Variants in ASB15 observed in about 807,000 individuals in gnomAD.
ASB15 encodes the protein ankyrin repeat and SOCS box containing 15, also known as ankyrin repeat and SOCS box protein 15.
In ASB15, 54 loss-of-function variants were observed where a neutral mutation model predicts 58.0. The ratio of observed to expected loss-of-function variants is 0.93; its 90% CI spans 0.75 to 1.17. The LOEUF (loss-of-function observed/expected upper bound fraction) is 1.17. Among genes scored for constraint, ASB15 ranks in the 50% most tolerant of loss-of-function variants. The pLI is 0.00. For synonymous variants in ASB15, 249 were observed against 262.4 expected, an observed-to-expected ratio of 0.95 and a Z score of 0.50; for missense variants, 680 against 707.4, an observed-to-expected ratio of 0.96 and a Z score of 0.44.
Position 123,629,132 on chromosome 7 carries a change from C to A in ASB15, c.1138C>A (p.Pro380Thr). Residue 380 changes from proline (P) to threonine (T), a missense_variant, in exon 10 of 12, where the codon CCC (proline) becomes ACC (threonine). Physicochemically the swap from Pro to Thr is conservative, Grantham distance 38 (BLOSUM62 -1). Coordinates refer to ENST00000451215, the MANE Select transcript of ASB15 (RefSeq NM_001290258.2). ...TGCAGGTGCAGACCCAAACTTAGAT[C>A]CCCTCAACTGTCTACTTGTTGCAGT... ...LAAGADPNLD[P>T]LNCLLVAVRA... is the part of the protein sequence containing the mutation. 6.2e-7 allele frequency: 1 copy of A among 1,614,114 alleles called. No individual in the cohort carries two copies. Among genetic ancestry groups the A allele is most frequent in the Admixed American group, 1.7e-5 (1 of 60,022 alleles).
At chr7:123,586,033 G>A (rs1235177076) in intron 1 of ASB15, among the ~76,000 whole-genome samples, 2 of 151,748 alleles carry the variant, frequency 1.3e-5, no homozygotes, top group Non-Finnish European at 2.9e-5. Context: ...ATGCTGCAAT[G>A]AATATGGAAG....
chr7:123,570,766 A>G (rs777113342), intron 1 of ASB15, among the ~76,000 whole-genome samples: 3 of 152,138 alleles, frequency 2.0e-5, no homozygotes, highest in African/African-American at 4.8e-5. Context: ...GTAGGTTTAT[A>G]TATCTTTGCT....
chr7:123,616,875 T>C (rs1440016483), intron 6 of ASB15, among the ~76,000 whole-genome samples: 2 of 152,206 alleles, frequency 1.3e-5, no homozygotes, highest in African/African-American at 4.8e-5. Context: ...TTCCAAAAGA[T>C]TCTTATATAG....
chr7:123,576,030 T>G (rs193297016), intron 1 of ASB15, among the ~76,000 whole-genome samples: 22 of 151,462 alleles, frequency 1.5e-4, no homozygotes, highest in Non-Finnish European at 3.1e-4. Context: ...ACTATAAATT[T>G]GTTGGATTTT....
chr7:123,585,333 C>A (rs1010623201), intron 1 of ASB15, among the ~76,000 whole-genome samples: 1 of 151,648 alleles, frequency 6.6e-6, no homozygotes, highest in East Asian at 1.9e-4. Context: ...GCAGAAGAGA[C>A]AACTTCCTCC....
chr7:123,568,866 A>C (rs1798830550), intron 1 of ASB15, among the ~76,000 whole-genome samples: 1 of 152,212 alleles, frequency 6.6e-6, no homozygotes, highest in Non-Finnish European at 1.5e-5. Flanking sequence ...TAAAAAGTTG[A>C]AAAATTATGA....
At chr7:123,625,073 A>G (rs1464037623) in intron 8 of ASB15, 3 of 418,878 alleles carry the variant, frequency 7.2e-6, no homozygotes, top group Non-Finnish European at 1.3e-5. Flanking sequence ...CAATCTGCAC[A>G]TAGATGGCCC....
rs1240140845 is a variant in ASB15, at chr7:123,637,263, A to C, written c.*282A>C. The C allele has an allele frequency of 5.0e-6, 1 of 199,392 alleles. No individual in the cohort carries two copies. The highest frequency in any genetic ancestry group is 1.0e-5 in the Non-Finnish European group (1 of 98,788). 12.4% of individuals were successfully genotyped at this position (199,392 alleles called of 1,614,324 possible). ...CTACAATATCCACAATCAAGTCTCT[A>C]TGTTTAAAAAACAGATAACCACTTT... On this transcript the variant is annotated 3_prime_UTR_variant, in exon 12 of 12. Coordinates refer to ENST00000451215, the MANE Select transcript of ASB15 (RefSeq NM_001290258.2).
At chr7:123,611,832 A>G (rs1800482061) in intron 3 of ASB15, among the ~76,000 whole-genome samples, 1 of 152,036 alleles carries the variant, frequency 6.6e-6, no homozygotes, top group African/African-American at 2.4e-5. Flanking sequence ...CTTCATCTCA[A>G]GCTTTCAGGA....
At position 123,633,184 on chromosome 7, in the gene ASB15, C is replaced by G. The variant is rs532548319; in HGVS notation, c.1594+3065C>G. On this transcript the variant is annotated intron_variant, in intron 11 of 11. Coordinates refer to ENST00000451215, the MANE Select transcript of ASB15 (RefSeq NM_001290258.2). The stretch of plus-strand genomic sequence containing the variant: ...AGTATTAAACAAGGCTAACACTAAA[C>G]AGAATGCCAAGACTAAGTGAGAGTT... Among the ~76,000 whole-genome samples the G allele has an allele frequency of 1.2e-3, 180 of 152,234 alleles. 1 individual carries two copies. Among genetic ancestry groups the G allele is most frequent in the Non-Finnish European group, 2.3e-3 (154 of 68,008 alleles).
chr7:123,576,910 T>C (rs887630879), intron 1 of ASB15, among the ~76,000 whole-genome samples: 3 of 152,190 alleles, frequency 2.0e-5, no homozygotes, highest in Admixed American at 2.0e-4. Context: ...TATTACTTTA[T>C]TCTTCTTGTC....
intron 4 of ASB15, among the ~76,000 whole-genome samples, chr7:123,614,942 C>A (rs1423828307): frequency 6.7e-6 from 1 of 149,512 alleles, no homozygotes; most frequent in Non-Finnish European, 1.5e-5. Context: ...GTTTATAGAA[C>A]AAATACACAG....
intron 1 of ASB15, among the ~76,000 whole-genome samples, chr7:123,592,483 T>C (rs979170440): frequency 2.0e-5 from 3 of 152,224 alleles, no homozygotes; most frequent in Admixed American, 6.5e-5. Context: ...TGGTACGTTG[T>C]GTCTTTGTTC....
chr7:123,616,635 C>G (rs1800837542), intron 6 of ASB15, 140 bp downstream of exon 6: 1 of 1,088,556 alleles, frequency 9.2e-7, no homozygotes, highest in African/African-American at 1.6e-5. Flanking sequence ...AAGGCAGCAC[C>G]CATGTTTTAA....
chr7:123,618,206 G>T (rs1383069734), intron 7 of ASB15, among the ~76,000 whole-genome samples: 1 of 152,162 alleles, frequency 6.6e-6, no homozygotes, highest in Non-Finnish European at 1.5e-5. Context: ...CCTATGAGGG[G>T]TACACTGTGA....
upstream of ASB15, among the ~76,000 whole-genome samples, chr7:123,597,936 G>A (rs2116392138): frequency 1.3e-5 from 2 of 151,530 alleles, no homozygotes; most frequent in East Asian, 1.9e-4. Context: ...GTGTGTGTGT[G>A]TGTGTGTGTG....
chr7:123,608,251 A>C (rs1312895450), intron 2 of ASB15, among the ~76,000 whole-genome samples: 5 of 152,202 alleles, frequency 3.3e-5, no homozygotes, highest in Non-Finnish European at 7.4e-5. Flanking sequence ...AAGCCCCAAA[A>C]TTTGAAGAGA....
At chr7:123,634,210 C>A (rs564337168) in intron 11 of ASB15, among the ~76,000 whole-genome samples, 4 of 152,102 alleles carry the variant, frequency 2.6e-5, no homozygotes, top group African/African-American at 4.8e-5. Flanking sequence ...AGCCACCCCC[C>A]CGACAGGCCC....
At chr7:123,592,423 G>C (rs1799565440) in intron 1 of ASB15, among the ~76,000 whole-genome samples, 1 of 152,156 alleles carries the variant, frequency 6.6e-6, no homozygotes, top group Non-Finnish European at 1.5e-5. Context: ...TGGGCATTTA[G>C]TGCTATAAAT....
Sources: allele counts gnomAD v4.1 joint callset (sites outside exome capture counted in the v4.1 genomes callset), GRCh38; gene constraint gnomAD v4.1.1; transcripts MANE v1.5; gene names NCBI Gene and HGNC (gene_info 2026-07-23, HGNC 2026-07-21).